Variants in CNTN5 observed in about 807,000 individuals in gnomAD.
CNTN5 encodes the protein contactin-5.
In CNTN5, 77 loss-of-function variants were observed where a neutral mutation model predicts 129.1. The ratio of observed to expected loss-of-function variants is 0.60; its 90% CI spans 0.50 to 0.72. The LOEUF is 0.72. CNTN5 is among the 30% of genes least tolerant of loss of function. CNTN5 has a pLI of 0.00. For missense variants in CNTN5, 1,478 were observed against 1,328.8 expected, an observed-to-expected ratio of 1.11 and a Z score of -1.75; for synonymous variants, 509 against 465.6, an observed-to-expected ratio of 1.09 and a Z score of -1.20.
intron 3 of CNTN5, among the ~76,000 whole-genome samples, chr11:99,560,085 T>C (rs986165475): frequency 2.6e-5 from 4 of 152,090 alleles, no homozygotes; most frequent in African/African-American, 9.7e-5. Context: ...AGGACATTTT[T>C]TAGGGCATTG....
At chr11:99,540,344 T>C (rs1365686596) in intron 2 of CNTN5, among the ~76,000 whole-genome samples, 1 of 152,226 alleles carries the variant, frequency 6.6e-6, no homozygotes, top group Non-Finnish European at 1.5e-5. Context: ...AATTTAAAGA[T>C]AAATAAATTA....
chr11:99,773,634 A>G (rs1945018871), intron 3 of CNTN5, among the ~76,000 whole-genome samples: 1 of 152,126 alleles, frequency 6.6e-6, no homozygotes. Context: ...TTGTCTTCAT[A>G]CAATGTAAAA....
At position 99,962,764 on chromosome 11, in the gene CNTN5, A is replaced by G. The variant is rs557513236; in HGVS notation, c.877+5755A>G. ...TTCCACAATGGTTGAAGTAGTTTACATTCCCACCAACAGTGTAAAAGTGTT... is the reference window on the plus strand; with the variant it reads ...TTCCACAATGGTTGAAGTAGTTTACGTTCCCACCAACAGTGTAAAAGTGTT... On this transcript the variant is annotated intron_variant, in intron 8 of 24. Transcript: ENST00000524871. 5.3e-5 allele frequency among the ~76,000 whole-genome samples: 8 copies of G among 151,902 alleles called. No homozygotes were observed. In the South Asian group the frequency reaches 1.7e-3, roughly 32 times the overall value.
intron 9 of CNTN5, among the ~76,000 whole-genome samples, chr11:100,009,945 C>T (rs1334964746): frequency 1.3e-5 from 2 of 152,052 alleles, no homozygotes; most frequent in African/African-American, 4.8e-5. Flanking sequence ...GTGGCATATC[C>T]AGGAAGTAGA....
chr11:99,271,007 T>TAC (rs1016569788), intron 1 of CNTN5, among the ~76,000 whole-genome samples: 33 of 152,080 alleles, frequency 2.2e-4, no homozygotes, highest in African/African-American at 6.3e-4. Flanking sequence ...CTTCATACAT[T>TAC]ACACCTTCAG....
chr11:99,495,599 A>G (rs956193052), intron 2 of CNTN5, among the ~76,000 whole-genome samples: 1 of 152,192 alleles, frequency 6.6e-6, no homozygotes. Flanking sequence ...TCACACTAGC[A>G]CATGCATAAA....
intron 20 of CNTN5, among the ~76,000 whole-genome samples, chr11:100,304,750 A>T (rs1413673171): frequency 6.6e-6 from 1 of 151,212 alleles, no homozygotes; most frequent in Non-Finnish European, 1.5e-5. Context: ...CTGTATTCAA[A>T]TCCTCCCTCC....
intron 2 of CNTN5, among the ~76,000 whole-genome samples, chr11:99,552,874 G>T (rs941555478): frequency 3.9e-5 from 6 of 151,968 alleles, no homozygotes; most frequent in Non-Finnish European, 5.9e-5. Flanking sequence ...TTAACACCTT[G>T]CATTTTTAAA....
At chr11:100,285,692 T>C (rs1474414801) in intron 18 of CNTN5, among the ~76,000 whole-genome samples, 1 of 152,208 alleles carries the variant, frequency 6.6e-6, no homozygotes, top group African/African-American at 2.4e-5. Context: ...TTCATTCTCT[T>C]CTGACTCAAA....
At chr11:99,527,106 G>C (rs1303049734) in intron 2 of CNTN5, among the ~76,000 whole-genome samples, 2 of 152,222 alleles carry the variant, frequency 1.3e-5, no homozygotes, top group Non-Finnish European at 2.9e-5. Flanking sequence ...GTCTCCCCTA[G>C]GATAGCTGGG....
intron 13 of CNTN5, among the ~76,000 whole-genome samples, chr11:100,105,731 A>C (rs1591254479): frequency 6.6e-6 from 1 of 151,598 alleles, no homozygotes; most frequent in Admixed American, 6.6e-5. Flanking sequence ...AGACCTCTCA[A>C]CCCCTCCATT....
chr11:100,002,514 TATAAGAC>T (rs1173810682), intron 9 of CNTN5, among the ~76,000 whole-genome samples: 4 of 152,154 alleles, frequency 2.6e-5, no homozygotes, highest in South Asian at 4.1e-4. Flanking sequence ...TGTAGATTCT[TATAAGAC>T]ATAATAAGAC....
chr11:99,687,105 G>T (rs1353008140), intron 3 of CNTN5, among the ~76,000 whole-genome samples: 1 of 152,102 alleles, frequency 6.6e-6, no homozygotes, highest in East Asian at 1.9e-4. Flanking sequence ...ATTTATACAA[G>T]AAGAACTTGA....
chr11:99,774,290 T>C (rs1293449538), intron 3 of CNTN5, among the ~76,000 whole-genome samples: 3 of 151,856 alleles, frequency 2.0e-5, no homozygotes. Context: ...AAAAACCAAG[T>C]AATTTAGTGA....
chr11:99,624,803 C>T (rs1460121632), intron 3 of CNTN5, among the ~76,000 whole-genome samples: 1 of 152,070 alleles, frequency 6.6e-6, no homozygotes, highest in Non-Finnish European at 1.5e-5. Context: ...TCATCTTTCT[C>T]CAAATATAGC....
At chr11:100,044,057 C>G (rs1177136424) in intron 9 of CNTN5, among the ~76,000 whole-genome samples, 2 of 145,992 alleles carry the variant, frequency 1.4e-5, no homozygotes, top group Non-Finnish European at 3.0e-5. Context: ...CACCCTCCCA[C>G]TCTTCCCAGT....
chr11:99,937,493 A>C (rs1438403826), intron 7 of CNTN5, among the ~76,000 whole-genome samples: 1 of 152,218 alleles, frequency 6.6e-6, no homozygotes, highest in Non-Finnish European at 1.5e-5. Flanking sequence ...GTCTGAATGC[A>C]GGCAGAATGG....
At chr11:99,904,306 G>C (rs61911646) in intron 6 of CNTN5, among the ~76,000 whole-genome samples, 24,832 of 150,802 alleles carry the variant, frequency 0.16, 2,324 homozygotes, top group Non-Finnish European at 0.21. Flanking sequence ...CCCAAGCCCG[G>C]ACAGGTCCCA....
intron 2 of CNTN5, among the ~76,000 whole-genome samples, chr11:99,495,140 C>T (rs751376611): frequency 8.5e-5 from 13 of 152,138 alleles, no homozygotes; most frequent in African/African-American, 2.2e-4. Context: ...GAGGCTAAGG[C>T]GGCAGATCAC....
Sources: gnomAD v4.1 joint callset for allele counts (sites outside exome capture counted in the v4.1 genomes callset) on GRCh38, gnomAD v4.1.1 for gene constraint, MANE v1.5 for transcripts, NCBI Gene and HGNC (gene_info 2026-07-23, HGNC 2026-07-21) for gene names.